The following UBL3 variants were observed in gnomAD, a reference collection of about 807,000 sequenced individuals.
UBL3 encodes ubiquitin like 3.
A neutral mutation model predicts 18.4 loss-of-function variants in UBL3; 6 were observed. The ratio of observed to expected loss-of-function variants is 0.33; its 90% CI spans 0.18 to 0.64. The LOEUF (loss-of-function observed/expected upper bound fraction) is 0.64. Ranked by LOEUF, UBL3 falls within the 30% of genes least tolerant of loss-of-function variation. UBL3 has a pLI of 0.76. For missense variants in UBL3, 109 were observed against 142.9 expected (o/e 0.76, Z 1.21); for synonymous variants, 49 against 46.6 (o/e 1.05, Z -0.21).
chr13:29,771,602 G>A (rs1486462441), intron 3 of UBL3, among the ~76,000 whole-genome samples: 1 of 152,028 alleles, frequency 6.6e-6, no homozygotes, highest in African/African-American at 2.4e-5. Context: ...AGTAAGTAGT[G>A]CAGCTAACAT....
At chr13:29,835,149 T>TAAATATATATATATATATATATATATAA (rs1878919234) in intron 1 of UBL3, among the ~76,000 whole-genome samples, 1 of 18,604 alleles carries the variant, frequency 5.4e-5, no homozygotes, top group African/African-American at 2.3e-4. Flanking sequence ...TATATATATA[T>TAAATATATATATATATATATATATATAA]ATATATATAT....
chr13:29,812,684 G>C (rs1278177540), intron 1 of UBL3, among the ~76,000 whole-genome samples: 1 of 151,906 alleles, frequency 6.6e-6, no homozygotes, highest in Non-Finnish European at 1.5e-5. Context: ...AGCATGTTTG[G>C]AACTTGGATA....
intron 3 of UBL3, among the ~76,000 whole-genome samples, chr13:29,769,695 G>A (rs538612189): frequency 5.3e-5 from 8 of 152,026 alleles, no homozygotes; most frequent in East Asian, 1.9e-4. Context: ...TTCACCCTCC[G>A]ATTAACAAGG....
In UBL3 at chr13:29,772,162, A is replaced by G; in HGVS notation, c.173T>C (p.Leu58Pro). 1 of 1,612,246 alleles carries G rather than the reference A, an allele frequency of 6.2e-7. No individual in the cohort carries two copies. The change falls in exon 3 of 5, where the codon CTA becomes CCA. Residue 58 changes from leucine to proline, a missense_variant. By Grantham distance (98) the Leu-to-Pro change is moderately conservative. Coordinates refer to ENST00000380680, the MANE Select transcript of UBL3 (RefSeq NM_007106.4). ...EEEQVSSPNI[L>P]RLIYQGRFLH... ...AAATCGTCCTTGATAAATAAGTCGT[A>G]GAATATTTGGACTGCTGACCTGCTC...
At chr13:29,798,491 A>G (rs1476462616) in intron 1 of UBL3, among the ~76,000 whole-genome samples, 1 of 152,186 alleles carries the variant, frequency 6.6e-6, no homozygotes, top group Non-Finnish European at 1.5e-5. Context: ...ACTACTGTAG[A>G]TGCAGCTCTA....
chr13:29,842,142 T>TTTC (rs1879118856), intron 1 of UBL3, among the ~76,000 whole-genome samples: 1 of 27,098 alleles, frequency 3.7e-5, no homozygotes, highest in South Asian at 1.9e-3. Context: ...TTCTTTTTTT[T>TTTC]TTTTTTTTTT....
chr13:29,849,686 A>G lies in UBL3; in HGVS notation c.-148T>C. ...AAAAATAAAGTTATTTTGGAGCCAAAGTGCCGGTCAGGCCGAGGTTCTGGT... is the reference window on the plus strand; with the variant it reads ...AAAAATAAAGTTATTTTGGAGCCAAGGTGCCGGTCAGGCCGAGGTTCTGGT... On this transcript the variant is annotated 5_prime_UTR_variant, in exon 1 of 5. Coordinates refer to ENST00000380680, the MANE Select transcript of UBL3 (RefSeq NM_007106.4). 1 of 1,039,394 alleles carries G rather than the reference A, an allele frequency of 9.6e-7. No homozygotes were observed. The highest frequency in any genetic ancestry group is 1.4e-6 in the Non-Finnish European group (1 of 703,722). 64.4% of individuals were successfully genotyped at this position (1,039,394 alleles called of 1,614,324 possible).
At chr13:29,799,990 C>A (rs938538963) in intron 1 of UBL3, among the ~76,000 whole-genome samples, 1 of 151,340 alleles carries the variant, frequency 6.6e-6, no homozygotes, top group African/African-American at 2.4e-5. Context: ...ATGGCAGAAC[C>A]AATGGACTGA....
intron 1 of UBL3, among the ~76,000 whole-genome samples, chr13:29,780,641 G>T (rs1003107865): frequency 5.9e-5 from 9 of 151,808 alleles, no homozygotes; most frequent in African/African-American, 2.2e-4. Context: ...GAATATTCAT[G>T]GGTTGCTAAA....
intron 1 of UBL3, among the ~76,000 whole-genome samples, chr13:29,837,129 G>A (rs1187722355): frequency 6.6e-6 from 1 of 152,064 alleles, no homozygotes; most frequent in African/African-American, 2.4e-5. Flanking sequence ...AATCCTATAC[G>A]GAGAAACATA....
At chr13:29,768,815 A>C (rs1446940221) in intron 3 of UBL3, among the ~76,000 whole-genome samples, 1 of 152,114 alleles carries the variant, frequency 6.6e-6, no homozygotes, top group Non-Finnish European at 1.5e-5. Flanking sequence ...AAATGTAAGT[A>C]AGACTTTATG....
chr13:29,825,376 G>A lies in UBL3; in HGVS notation c.27+24136C>T, dbSNP rs9506233. Among the ~76,000 whole-genome samples the A allele has an allele frequency of 2.3e-3, 344 of 151,948 alleles. 2 individuals carry two copies. The highest frequency in any genetic ancestry group is 8.1e-3 in the African/African-American group (335 of 41,408). On this transcript the variant is annotated intron_variant, in intron 1 of 4. Transcript: ENST00000380680. ...ATTTGCTTGTGTCCTCTTTTATTTC[G>A]TTGAGCAGTGGTTTGTAGTTCTCCT...
chr13:29,835,753 CAAAAAAAAAAAAAAAA>C (rs34271187), intron 1 of UBL3, among the ~76,000 whole-genome samples: 5 of 37,006 alleles, frequency 1.4e-4, no homozygotes, highest in African/African-American at 5.5e-4. Flanking sequence ...GACGCTGTCT[CAAAAAAAAAAAAAAAA>C]AAAAAAAAAA....
chr13:29,764,979 C>T lies in UBL3; in HGVS notation c.*2276G>A, dbSNP rs1179840468. ...TTTTCAGTATATAATTTTACTGCTA[C>T]TTTTTATTCTTTTTTTTCATATTGT... is the stretch of plus-strand genomic sequence containing the variant. On this transcript the variant is annotated 3_prime_UTR_variant, in exon 5 of 5. Coordinates refer to ENST00000380680, the MANE Select transcript of UBL3 (RefSeq NM_007106.4). 1 of 150,932 alleles carries T rather than the reference C, an allele frequency of 6.6e-6. No homozygotes were observed. The highest frequency in any genetic ancestry group is 1.5e-5 in the Non-Finnish European group (1 of 67,602). The allele number at this position is 150,932 out of a possible 1,614,324, so 9.3% of individuals were successfully genotyped here.
At chr13:29,822,556 A>G (rs1878486412) in intron 1 of UBL3, among the ~76,000 whole-genome samples, 1 of 152,168 alleles carries the variant, frequency 6.6e-6, no homozygotes, top group Admixed American at 6.5e-5. Context: ...CACTGGCACA[A>G]CCATATTACT....
chr13:29,771,309 C>T (rs543699581), intron 3 of UBL3, among the ~76,000 whole-genome samples: 5 of 151,988 alleles, frequency 3.3e-5, no homozygotes, highest in Non-Finnish European at 5.9e-5. Context: ...TTTGAAATAC[C>T]TATTTTCAAA....
Position 29,764,787 on chromosome 13 carries a change from G to A in UBL3, c.*2468C>T, listed in dbSNP as rs891691655. ...TTATGTACATTACTGGATCTATGCA[G>A]CTCTCACCTTTAGATAAGTGAGCTA... is the stretch of plus-strand genomic sequence containing the variant. On this transcript the variant is annotated 3_prime_UTR_variant, in exon 5 of 5. Coordinates refer to ENST00000380680, the MANE Select transcript of UBL3 (RefSeq NM_007106.4). The A allele has an allele frequency of 6.6e-6, 1 of 152,128 alleles. No individual in the cohort carries two copies. Among genetic ancestry groups the A allele is most frequent in the African/African-American group, 2.4e-5 (1 of 41,446 alleles). 9.4% of individuals were successfully genotyped at this position (152,128 alleles called of 1,614,324 possible).
chr13:29,772,285 C>G, intron 2 of UBL3, 87 bp from the exon 3 acceptor site: 3 of 1,139,214 alleles, frequency 2.6e-6, no homozygotes, highest in Non-Finnish European at 2.5e-6. Flanking sequence ...AGATCCAAAT[C>G]AGTTAGAGTA....
intron 1 of UBL3, among the ~76,000 whole-genome samples, chr13:29,847,234 T>C (rs1012315183): frequency 1.8e-4 from 27 of 152,256 alleles, no homozygotes; most frequent in Non-Finnish European, 7.4e-5. Flanking sequence ...CTCTAACCAG[T>C]TGAACAGTAG....
Sources: allele counts gnomAD v4.1 joint callset (sites outside exome capture counted in the v4.1 genomes callset), GRCh38; gene constraint gnomAD v4.1.1; transcripts MANE v1.5; gene names NCBI Gene and HGNC (gene_info 2026-07-23, HGNC 2026-07-21).